The following MTA3 variants were observed in gnomAD, a reference collection of about 807,000 sequenced individuals.
MTA3 encodes the protein metastasis-associated protein MTA3.
MTA3 carries 34 observed loss-of-function variants against 83.5 expected under a neutral mutation model. That is an observed-to-expected ratio of 0.41 (90% confidence interval 0.31 to 0.54). The LOEUF (loss-of-function observed/expected upper bound fraction) is 0.54, where lower values mean the gene tolerates loss of function less well. Ranked by LOEUF, MTA3 falls within the 20% of genes least tolerant of loss-of-function variation. The probability of loss-of-function intolerance (pLI) is 0.33; values close to 1 mark genes in which losing one functional copy is unlikely to be tolerated. For synonymous variants in MTA3, 303 were observed against 252.7 expected (o/e 1.20, Z -1.89); for missense variants, 761 against 726.4 (o/e 1.05, Z -0.55).
At chr2:42,641,597 C>G (rs554421687) in intron 5 of MTA3, among the ~76,000 whole-genome samples, 2 of 152,064 alleles carry the variant, frequency 1.3e-5, no homozygotes, top group South Asian at 4.2e-4. Flanking sequence ...CATGTGATCC[C>G]AGCGCTTTGG....
chr2:42,706,132 G>T (rs1666058169), intron 12 of MTA3, among the ~76,000 whole-genome samples: 1 of 152,092 alleles, frequency 6.6e-6, no homozygotes, highest in South Asian at 2.1e-4. Flanking sequence ...CTGTGGGGTG[G>T]GGGGAGCAGG....
At chr2:42,671,615 T>G (rs1240020926) in intron 8 of MTA3, among the ~76,000 whole-genome samples, 1 of 152,198 alleles carries the variant, frequency 6.6e-6, no homozygotes, top group Non-Finnish European at 1.5e-5. Context: ...AGCACATATC[T>G]TTTAGTATGT....
At chr2:42,559,825 G>A (rs1437491244) in intron 2 of MTA3, among the ~76,000 whole-genome samples, 1 of 150,080 alleles carries the variant, frequency 6.7e-6, no homozygotes, top group Non-Finnish European at 1.5e-5. Context: ...GCAGGGGGGT[G>A]CGGTGGAGGT....
At chr2:42,520,426 A>G (rs1311781714) in intron 2 of MTA3, among the ~76,000 whole-genome samples, 1 of 152,132 alleles carries the variant, frequency 6.6e-6, no homozygotes. Flanking sequence ...GCCCAGCTTC[A>G]TGCTTCAAGA....
At chr2:42,546,197 T>C (rs1394700739) in intron 2 of MTA3, among the ~76,000 whole-genome samples, 1 of 152,108 alleles carries the variant, frequency 6.6e-6, no homozygotes. Context: ...TGCTGGCACT[T>C]AAAATATAAA....
intron 8 of MTA3, among the ~76,000 whole-genome samples, chr2:42,668,961 T>G (rs1034356526): frequency 3.3e-5 from 5 of 152,204 alleles, no homozygotes; most frequent in African/African-American, 1.2e-4. Flanking sequence ...TACTAACGCT[T>G]TATAAAAATG....
intron 2 of MTA3, among the ~76,000 whole-genome samples, chr2:42,524,321 A>C (rs1383677331): frequency 6.6e-6 from 1 of 150,816 alleles, no homozygotes; most frequent in Non-Finnish European, 1.5e-5. Context: ...TTTTTTTTTA[A>C]ATGGAGTCTC....
chr2:42,631,959 G>C (rs879392952), intron 4 of MTA3, among the ~76,000 whole-genome samples: 13 of 151,976 alleles, frequency 8.6e-5, no homozygotes, highest in Non-Finnish European at 1.5e-4. Flanking sequence ...CAAAGTGCTG[G>C]GATTACAGGC....
intron 15 of MTA3, among the ~76,000 whole-genome samples, chr2:42,720,985 G>T (rs887503601): frequency 2.9e-5 from 4 of 137,360 alleles, no homozygotes; most frequent in Middle Eastern, 3.9e-3. Context: ...GAAAAGAAAA[G>T]AAAAAAAGAA....
At chr2:42,650,372 C>G (rs1248816792) in intron 6 of MTA3, among the ~76,000 whole-genome samples, 1 of 152,078 alleles carries the variant, frequency 6.6e-6, no homozygotes, top group Non-Finnish European at 1.5e-5. Context: ...TGTACATTTT[C>G]AAATATAAAT....
chr2:42,688,887 A>G (rs181095786), intron 9 of MTA3, among the ~76,000 whole-genome samples: 2 of 152,194 alleles, frequency 1.3e-5, no homozygotes, highest in Non-Finnish European at 2.9e-5. Flanking sequence ...GATAAGAGCA[A>G]CATCCTTTTC....
intron 13 of MTA3, among the ~76,000 whole-genome samples, chr2:42,708,671 T>C (rs1666320685): frequency 6.6e-6 from 1 of 152,178 alleles, no homozygotes; most frequent in Admixed American, 6.5e-5. Flanking sequence ...TACAGTATTC[T>C]CCACAGTTCC....
rs952566664 is a variant in MTA3, at chr2:42,703,367, C to G, written c.1026-827C>G. The stretch of plus-strand genomic sequence containing the variant: ...ATGAGTGGCCAGAAGCTCCTGAAGT[C>G]CTAAGTGACCTAGAGATGGGCCCTG... On this transcript the variant is annotated intron_variant, in intron 11 of 16. Coordinates refer to ENST00000405094, the MANE Select transcript of MTA3 (RefSeq NM_001330442.2). The G allele has an allele frequency of 2.0e-5, 3 of 152,140 alleles. No homozygotes were observed. The East Asian group carries it at 5.8e-4, about 29-fold the overall frequency. The allele number at this position is 152,140 out of a possible 1,614,324, so 9.4% of individuals were successfully genotyped here.
intron 4 of MTA3, among the ~76,000 whole-genome samples, chr2:42,634,184 C>T (rs1262965964): frequency 6.6e-6 from 1 of 152,030 alleles, no homozygotes; most frequent in Non-Finnish European, 1.5e-5. Context: ...CCAGTGGTGC[C>T]GAGGTTGAGA....
chr2:42,609,600 G>A lies in MTA3; in HGVS notation c.317+16G>A. ...CACATATCAGGTAAGAACTTTTTAG[G>A]AACTAAGGTACTCAGTACTACGGTG... On this transcript the variant is annotated intron_variant, in intron 4 of 16. Coordinates refer to ENST00000405094, the MANE Select transcript of MTA3 (RefSeq NM_001330442.2). 1 of 1,612,306 alleles carries A rather than the reference G, an allele frequency of 6.2e-7. No individual in the cohort carries two copies. Among genetic ancestry groups the A allele is most frequent in the Non-Finnish European group, 8.5e-7 (1 of 1,179,094 alleles).
chr2:42,497,314 C>T (rs1244865819), intron 2 of MTA3, among the ~76,000 whole-genome samples: 3 of 150,636 alleles, frequency 2.0e-5, no homozygotes, highest in Admixed American at 1.3e-4. Flanking sequence ...TGGCCAGGCG[C>T]GGTGGCTCAT....
At chr2:42,603,867 C>G (rs1436164681) in intron 3 of MTA3, among the ~76,000 whole-genome samples, 1 of 152,120 alleles carries the variant, frequency 6.6e-6, no homozygotes, top group Non-Finnish European at 1.5e-5. Context: ...TCTCCTGCCT[C>G]AGCCTCCCCA....
At chr2:42,527,602 A>G (rs1675775073) in intron 2 of MTA3, among the ~76,000 whole-genome samples, 1 of 152,154 alleles carries the variant, frequency 6.6e-6, no homozygotes, top group African/African-American at 2.4e-5. Context: ...TACATTATCT[A>G]CAGAATACCT....
chr2:42,517,676 G>A lies in MTA3; in HGVS notation c.-141+22422G>A, dbSNP rs368712769. ...GGTGATCACCTGAGGTCAAGAGTTC[G>A]AGACCAGCTTGGCCAACATGGGGAA... On this transcript the variant is annotated intron_variant, in intron 2 of 17. Coordinates refer to the MTA3 transcript ENST00000405592. 1.1e-4 allele frequency among the ~76,000 whole-genome samples: 16 copies of A among 149,978 alleles called. No homozygotes were observed. In the East Asian group the frequency reaches 2.0e-3, roughly 19 times the overall value.
Sources: allele counts gnomAD v4.1 joint callset (sites outside exome capture counted in the v4.1 genomes callset), GRCh38; gene constraint gnomAD v4.1.1; transcripts MANE v1.5; gene names NCBI Gene and HGNC (gene_info 2026-07-23, HGNC 2026-07-21).